VPS13D: variants seen among roughly 807,000 people sequenced by gnomAD.
The protein encoded by VPS13D is vacuolar protein sorting 13 homolog D.
Under a neutral mutation model 461.9 loss-of-function variants are expected in VPS13D, and 187 were observed. That is an observed-to-expected ratio of 0.40 (90% CI 0.36 to 0.46). The LOEUF (loss-of-function observed/expected upper bound fraction) is 0.46. Among genes scored for constraint, VPS13D ranks in the 20% least tolerant of loss-of-function variants. The probability of loss-of-function intolerance (pLI) is 0.60; values close to 1 mark genes in which losing one functional copy is unlikely to be tolerated. For missense variants in VPS13D, 4,711 were observed against 5,364.9 expected (o/e 0.88, Z 3.81); for synonymous variants, 1,951 against 1,986.3 (o/e 0.98, Z 0.47).
At chr1:12,357,604 G>C (rs576517816) in intron 49 of VPS13D, among the ~76,000 whole-genome samples, 12 of 152,320 alleles carry the variant, frequency 7.9e-5, no homozygotes, top group African/African-American at 2.6e-4. Flanking sequence ...ATTGCTACCT[G>C]CCCAAGTTTA....
chr1:12,498,606 G>C (rs975682478), intron 68 of VPS13D, among the ~76,000 whole-genome samples: 1 of 152,160 alleles, frequency 6.6e-6, no homozygotes, highest in Non-Finnish European at 1.5e-5. Flanking sequence ...AGATGGAGTT[G>C]TACTTTCTTG....
In VPS13D at chr1:12,379,541, CGT is replaced by C; in HGVS notation, c.11137_11138del (p.Trp3713GlufsTer27). ...GACCGCAGGCGAAGCACAACTCAGACGTGGAGTTTCCGAGAAGGAAAACTGAC... is the reference window on the plus strand; with the variant it reads ...GACCGCAGGCGAAGCACAACTCAGACGGAGTTTCCGAGAAGGAAAACTGAC... On this transcript the variant is annotated frameshift_variant, in exon 57 of 70. Coordinates refer to ENST00000620676, the MANE Select transcript of VPS13D (RefSeq NM_015378.4). LOFTEE classifies it high-confidence loss of function. 6.2e-7 allele frequency: 1 copy of C among 1,613,490 alleles called. No individual in the cohort carries two copies. Among genetic ancestry groups the C allele is most frequent in the Non-Finnish European group, 8.5e-7 (1 of 1,179,746 alleles).
At chr1:12,472,062 C>G (rs1322640310) in intron 67 of VPS13D, among the ~76,000 whole-genome samples, 2 of 152,168 alleles carry the variant, frequency 1.3e-5, no homozygotes, top group Admixed American at 1.3e-4. Context: ...TGGTTGTTGT[C>G]TAGCTATTTT....
chr1:12,310,818 TC>T (rs1557701295), intron 27 of VPS13D, among the ~76,000 whole-genome samples: 1 of 87,202 alleles, frequency 1.1e-5, no homozygotes, highest in African/African-American at 4.4e-5. Flanking sequence ...CCTCCCTCCC[TC>T]CTTCCCTCCT....
At chr1:12,313,377 G>A (rs945349594) in intron 29 of VPS13D, among the ~76,000 whole-genome samples, 9 of 142,986 alleles carry the variant, frequency 6.3e-5, no homozygotes, top group Non-Finnish European at 6.0e-5. Context: ...GTGCCATCTC[G>A]GCTCACTGCA....
intron 67 of VPS13D, among the ~76,000 whole-genome samples, chr1:12,472,697 T>C (rs1645579135): frequency 6.6e-6 from 1 of 152,262 alleles, no homozygotes; most frequent in African/African-American, 2.4e-5. Flanking sequence ...TCATGTTTAA[T>C]CAGAAGTCCT....
intron 17 of VPS13D, among the ~76,000 whole-genome samples, chr1:12,272,392 GGTGTGTGTGTGTGTGTGTGT>G (rs60615824): frequency 7.0e-6 from 1 of 143,038 alleles, no homozygotes; most frequent in South Asian, 2.3e-4. Flanking sequence ...TTTTTGTTTT[GGTGTGTGTGTGTGTGTGTGT>G]GTGTGTGTGT....
At chr1:12,317,927 G>A (rs1423298324) in intron 30 of VPS13D, 145 bp from the exon 31 acceptor site, 3 of 695,664 alleles carry the variant, frequency 4.3e-6, no homozygotes, top group Non-Finnish European at 7.3e-6. Flanking sequence ...TATTCAACCA[G>A]TGTTCAAAGT....
intron 65 of VPS13D, among the ~76,000 whole-genome samples, chr1:12,454,306 C>T (rs961208501): frequency 2.6e-5 from 4 of 152,240 alleles, no homozygotes; most frequent in Non-Finnish European, 4.4e-5. Flanking sequence ...GATGGGGTCT[C>T]TGACTGAAGC....
chr1:12,240,359 C>G (rs1431102871), intron 2 of VPS13D, among the ~76,000 whole-genome samples: 1 of 151,958 alleles, frequency 6.6e-6, no homozygotes, highest in Non-Finnish European at 1.5e-5. Flanking sequence ...CTTTGGGAGG[C>G]CAAGGTGGGT....
intron 35 of VPS13D, 145 bp downstream of exon 35, chr1:12,323,925 CT>C: frequency 1.3e-6 from 1 of 784,364 alleles, no homozygotes; most frequent in Non-Finnish European, 2.1e-6. Context: ...TGCATATCAT[CT>C]TAGGTCAGTA....
Position 12,275,865 on chromosome 1 carries a change from A to G in VPS13D, c.2277A>G (p.Glu759=), listed in dbSNP as rs779495714. 1 of 1,612,082 alleles carries G rather than the reference A, an allele frequency of 6.2e-7. No individual in the cohort carries two copies. The highest frequency in any genetic ancestry group is 8.5e-7 in the Non-Finnish European group (1 of 1,179,276). Residue 759 remains glutamate, a synonymous_variant, in exon 19 of 70, where the codon GAA becomes GAG. Transcript: ENST00000620676. The part of the protein sequence containing the change: ...RRKSRDGSAS[E]ETQFSDDEYK... ...AAAGTAGGGATGGGTCAGCATCTGA[A>G]GAGACCCAGTTTAGTGATGATGAAT...
chr1:12,414,446 A>G (rs952332506), intron 63 of VPS13D, among the ~76,000 whole-genome samples: 3 of 152,200 alleles, frequency 2.0e-5, no homozygotes, highest in East Asian at 3.8e-4. Context: ...ACGTTAACAA[A>G]CTACAGCTAT....
Position 12,497,270 on chromosome 1 carries a change from A to G in VPS13D, c.12663-230A>G, listed in dbSNP as rs114318123. ...AACTGAGGGTTAAGGAAGGTAACCA[A>G]CTTATCCATGATCACATGGCCAGAA... is the stretch of plus-strand genomic sequence containing the variant. On this transcript the variant is annotated intron_variant, in intron 67 of 69. Transcript: ENST00000620676. 2.2e-3 allele frequency: 755 copies of G among 347,352 alleles called. 5 individuals are homozygous for G. The highest frequency in any genetic ancestry group is 0.015 in the African/African-American group (701 of 46,618). The allele number at this position is 347,352 out of a possible 1,614,324, so 21.5% of individuals were successfully genotyped here. A position where few individuals can be genotyped will look rare whatever the true frequency, so the allele number is the denominator to read the frequency against.
intron 51 of VPS13D, 67 bp from the exon 52 acceptor site, chr1:12,363,005 G>T (rs1643973370): frequency 6.3e-7 from 1 of 1,592,770 alleles, no homozygotes; most frequent in Admixed American, 1.7e-5. Flanking sequence ...CTCAGAGTAG[G>T]TACTCAGTAA....
At chr1:12,401,767 G>C (rs1046191834) in intron 62 of VPS13D, 63 bp downstream of exon 62, 1 of 1,433,294 alleles carries the variant, frequency 7.0e-7, no homozygotes, top group African/African-American at 1.4e-5. Context: ...TTTTGAGTCT[G>C]TTTGTAAAAA....
chr1:12,429,312 GATGGAGTTTCAC>G (rs1197602120), intron 65 of VPS13D, among the ~76,000 whole-genome samples: 1 of 149,846 alleles, frequency 6.7e-6, no homozygotes, highest in Non-Finnish European at 1.5e-5. Context: ...CTCTTTTTGA[GATGGAGTTTCAC>G]TCTTGTCACC....
chr1:12,356,648 G>T, intron 49 of VPS13D, 124 bp downstream of exon 49: 1 of 1,288,806 alleles, frequency 7.8e-7, no homozygotes. Context: ...CTTGGCAGGG[G>T]AATAGAACCA....
chr1:12,242,682 C>A, intron 3 of VPS13D, 92 bp downstream of exon 3: 1 of 1,151,594 alleles, frequency 8.7e-7, no homozygotes, highest in Non-Finnish European at 1.3e-6. Context: ...TTGATTTGGC[C>A]AGTTAGAGGA....
Sources: allele counts gnomAD v4.1 joint callset (sites outside exome capture counted in the v4.1 genomes callset), GRCh38; gene constraint gnomAD v4.1.1; transcripts MANE v1.5; gene names NCBI Gene and HGNC (gene_info 2026-07-23, HGNC 2026-07-21).